ATXN1: variants seen among roughly 807,000 people sequenced by gnomAD.
ATXN1 encodes ataxin 1.
A neutral mutation model predicts 56.4 loss-of-function variants in ATXN1; 8 were observed. The ratio of observed to expected loss-of-function variants is 0.14; its 90% confidence interval spans 0.08 to 0.26. The LOEUF (loss-of-function observed/expected upper bound fraction) is 0.26. ATXN1 is among the 10% of genes least tolerant of loss of function. ATXN1 has a pLI of 1.00. For synonymous variants in ATXN1, 514 were observed against 494.6 expected, an observed-to-expected ratio of 1.04 and a Z score of -0.52; for missense variants, 987 against 1,106.5, an observed-to-expected ratio of 0.89 and a Z score of 1.53.
intron 6 of ATXN1, among the ~76,000 whole-genome samples, chr6:16,424,508 G>C (rs888354876): frequency 6.6e-6 from 1 of 152,130 alleles, no homozygotes; most frequent in Non-Finnish European, 1.5e-5. Flanking sequence ...GTTGCCCAGG[G>C]TTCTAGTGTG....
chr6:16,705,737 G>A (rs1413530327), intron 2 of ATXN1, among the ~76,000 whole-genome samples: 1 of 152,160 alleles, frequency 6.6e-6, no homozygotes, highest in Non-Finnish European at 1.5e-5. Context: ...ACACAGACCT[G>A]TGATTAGCAT....
intron 6 of ATXN1, among the ~76,000 whole-genome samples, chr6:16,350,161 G>T (rs59919885): frequency 0.066 from 10,097 of 152,204 alleles, 1,084 homozygotes; most frequent in African/African-American, 0.23. Context: ...AAAAAGTAAG[G>T]CAGTCTCCTG....
rs1760191353 is a variant in ATXN1 at position 16,304,584 on chromosome 6, C to T, written c.*1745G>A. ...GAAAATTCTCAGAGTTTCTAAGAGCCCGCTAAGACCTGGCTTTTTGTGACA... is the reference window on the plus strand; with the variant it reads ...GAAAATTCTCAGAGTTTCTAAGAGCTCGCTAAGACCTGGCTTTTTGTGACA... On this transcript the variant is annotated 3_prime_UTR_variant, in exon 8 of 8. Coordinates refer to ENST00000436367, the MANE Select transcript of ATXN1 (RefSeq NM_001128164.2). 6.6e-6 allele frequency: 1 copy of T among 152,560 alleles called. No homozygotes were observed. The highest frequency in any genetic ancestry group is 1.5e-5 in the Non-Finnish European group (1 of 68,014). 9.5% of individuals were successfully genotyped at this position (152,560 alleles called of 1,614,324 possible).
intron 6 of ATXN1, among the ~76,000 whole-genome samples, chr6:16,473,124 T>G (rs1760252175): frequency 6.6e-6 from 1 of 152,202 alleles, no homozygotes; most frequent in Non-Finnish European, 1.5e-5. Context: ...TCTTTTTTAA[T>G]GAAAAAAATT....
intron 6 of ATXN1, among the ~76,000 whole-genome samples, chr6:16,415,376 C>G (rs1251879953): frequency 2.6e-5 from 4 of 152,136 alleles, no homozygotes; most frequent in Non-Finnish European, 5.9e-5. Flanking sequence ...ACTACGGCAC[C>G]TGCCACCATG....
rs189606146 is a variant in ATXN1, at chr6:16,499,597, G to A, written c.-298-13488C>T. 2.6e-5 allele frequency among the ~76,000 whole-genome samples: 4 copies of A among 152,224 alleles called. No homozygotes were observed. In the East Asian group the frequency reaches 7.7e-4, roughly 29 times the overall value. ...TTGCCTCTGTGTTTGTGCCCCTCTA[G>A]TGAACAGCCCCTGTCTTCAGATATC... is the stretch of plus-strand genomic sequence containing the variant. On this transcript the variant is annotated intron_variant, in intron 5 of 7. Coordinates refer to ENST00000436367, the MANE Select transcript of ATXN1 (RefSeq NM_001128164.2).
Position 16,328,911 on chromosome 6 carries a change from A to C in ATXN1, c.-160-441T>G, listed in dbSNP as rs1237724508. On this transcript the variant is annotated intron_variant, in intron 6 of 7. Transcript: ENST00000436367. The surrounding 1 kb of genome is among the most constrained non-coding windows in gnomAD (Gnocchi z 6.2). The stretch of plus-strand genomic sequence containing the variant: ...CATTGTACTCCAGCCTGGGCAACAG[A>C]GCGACACTCTGTCTCCAAAAACGAA... Among the ~76,000 whole-genome samples the C allele has an allele frequency of 6.6e-6, 1 of 152,132 alleles. No homozygotes were observed.
intron 2 of ATXN1, among the ~76,000 whole-genome samples, chr6:16,704,570 T>G (rs920808530): frequency 6.6e-6 from 1 of 152,226 alleles, no homozygotes; most frequent in African/African-American, 2.4e-5. Flanking sequence ...CTTGAAAATC[T>G]TACCAACAAG....
At chr6:16,317,861 A>G (rs1186736180) in intron 7 of ATXN1, among the ~76,000 whole-genome samples, 2 of 151,480 alleles carry the variant, frequency 1.3e-5, no homozygotes, top group Non-Finnish European at 2.9e-5. Context: ...GTCACCTCCA[A>G]CTCCCATTTT....
chr6:16,503,301 G>A (rs1055475712), intron 5 of ATXN1, among the ~76,000 whole-genome samples: 22 of 152,112 alleles, frequency 1.4e-4, no homozygotes, highest in African/African-American at 5.1e-4. Flanking sequence ...GACCTCCACC[G>A]AGCTGAGGAG....
At chr6:16,511,182 T>C (rs546542216) in intron 5 of ATXN1, among the ~76,000 whole-genome samples, 1 of 152,194 alleles carries the variant, frequency 6.6e-6, no homozygotes, top group East Asian at 1.9e-4. Context: ...TCAACTACTG[T>C]AAAGTGGGTG....
chr6:16,700,683 G>A (rs778009771), intron 2 of ATXN1, among the ~76,000 whole-genome samples: 6 of 152,088 alleles, frequency 3.9e-5, no homozygotes, highest in Non-Finnish European at 4.4e-5. Context: ...ACCTCCAAAC[G>A]TGGGCAGGAG....
chr6:16,531,018 T>C (rs1336187325), intron 4 of ATXN1, among the ~76,000 whole-genome samples: 1 of 152,248 alleles, frequency 6.6e-6, no homozygotes, highest in African/African-American at 2.4e-5. Flanking sequence ...AAGTTTACTG[T>C]ATACATGGTC....
chr6:16,626,235 T>C (rs1005789145), intron 3 of ATXN1, among the ~76,000 whole-genome samples: 4 of 152,230 alleles, frequency 2.6e-5, no homozygotes, highest in African/African-American at 9.6e-5. Flanking sequence ...AAAATGGTCA[T>C]GTAAAGACTT....
At chr6:16,375,081 G>A (rs1401513023) in intron 6 of ATXN1, among the ~76,000 whole-genome samples, 1 of 152,196 alleles carries the variant, frequency 6.6e-6, no homozygotes, top group East Asian at 1.9e-4. Context: ...TGAAGACAAT[G>A]AAGAAAGGCA....
At chr6:16,495,283 T>C (rs868847178) in intron 5 of ATXN1, among the ~76,000 whole-genome samples, 25 of 152,218 alleles carry the variant, frequency 1.6e-4, no homozygotes, top group Middle Eastern at 3.2e-3. Context: ...ATTCTCTTTT[T>C]GCCATAATAT....
intron 4 of ATXN1, among the ~76,000 whole-genome samples, chr6:16,580,446 GC>G (rs1188449497): frequency 6.6e-6 from 1 of 152,180 alleles, no homozygotes; most frequent in Non-Finnish European, 1.5e-5. Flanking sequence ...AGTATGGTTT[GC>G]CAACATTGAA....
intron 3 of ATXN1, among the ~76,000 whole-genome samples, chr6:16,627,691 C>T (rs1008759536): frequency 2.0e-5 from 3 of 152,166 alleles, no homozygotes; most frequent in African/African-American, 2.4e-5. Context: ...CATGCCACTG[C>T]ACTCCAGCCT....
intron 3 of ATXN1, among the ~76,000 whole-genome samples, chr6:16,633,112 T>C (rs1170195817): frequency 1.3e-5 from 2 of 152,196 alleles, no homozygotes; most frequent in Non-Finnish European, 2.9e-5. Context: ...CATAAATACA[T>C]TTGCTACGCA....
Sources: gnomAD v4.1 joint callset for allele counts (sites outside exome capture counted in the v4.1 genomes callset) on GRCh38, gnomAD v4.1.1 for gene constraint, Gnocchi (gnomAD v3.1) non-coding constraint, MANE v1.5 for transcripts, NCBI Gene and HGNC (gene_info 2026-07-23, HGNC 2026-07-21) for gene names.